The following FAM13B variants were observed in gnomAD, a reference collection of about 807,000 sequenced individuals.
FAM13B encodes the protein protein FAM13B.
Under a neutral mutation model 117.3 loss-of-function variants are expected in FAM13B, and 60 were observed. The ratio of observed to expected loss-of-function variants is 0.51; its 90% CI spans 0.42 to 0.63. The LOEUF (loss-of-function observed/expected upper bound fraction) is 0.63. Among genes scored for constraint, FAM13B ranks in the 30% least tolerant of loss-of-function variants. The pLI is 0.00. For missense variants in FAM13B, 972 were observed against 1,091.9 expected, an observed-to-expected ratio of 0.89 and a Z score of 1.55; for synonymous variants, 332 against 356.1, an observed-to-expected ratio of 0.93 and a Z score of 0.76.
intron 23 of FAM13B, among the ~76,000 whole-genome samples, chr5:137,941,216 AT>A (rs1053711249): frequency 6.6e-6 from 1 of 151,442 alleles, no homozygotes; most frequent in Non-Finnish European, 1.5e-5. Context: ...CCCACTTCAG[AT>A]TTTTTTTTAA....
At chr5:138,019,682 A>T (rs1048900536) in intron 2 of FAM13B, among the ~76,000 whole-genome samples, 2 of 142,252 alleles carry the variant, frequency 1.4e-5, no homozygotes, top group African/African-American at 5.1e-5. Flanking sequence ...GCTGTAATAA[A>T]TTTTTTTTTT....
intron 1 of FAM13B, among the ~76,000 whole-genome samples, chr5:138,041,523 G>A (rs936631215): frequency 6.6e-6 from 1 of 152,110 alleles, no homozygotes; most frequent in Non-Finnish European, 1.5e-5. Context: ...AAAATAGGAA[G>A]ATCTTAATTT....
At chr5:137,981,362 C>T (rs1775698219) in intron 10 of FAM13B, among the ~76,000 whole-genome samples, 1 of 152,002 alleles carries the variant, frequency 6.6e-6, no homozygotes, top group Non-Finnish European at 1.5e-5. Flanking sequence ...GTAGGAAAAT[C>T]GCTTGAGGCC....
At chr5:138,016,841 A>T (rs1185304985) in intron 4 of FAM13B, among the ~76,000 whole-genome samples, 3 of 152,208 alleles carry the variant, frequency 2.0e-5, no homozygotes, top group Non-Finnish European at 2.9e-5. Flanking sequence ...CAGCTAACAG[A>T]GGGAACATGG....
At chr5:137,968,523 A>G (rs1175915152) in intron 10 of FAM13B, among the ~76,000 whole-genome samples, 4 of 151,800 alleles carry the variant, frequency 2.6e-5, no homozygotes, top group Non-Finnish European at 4.4e-5. Flanking sequence ...TGTAGCACCT[A>G]GTACTACAGT....
intron 9 of FAM13B, 92 bp downstream of exon 9, chr5:137,987,369 G>T: frequency 8.5e-7 from 1 of 1,182,818 alleles, no homozygotes; most frequent in South Asian, 1.7e-5. Flanking sequence ...AAATCTCCAA[G>T]AAAGATGAGA....
chr5:138,000,741 G>A (rs1162287018), intron 7 of FAM13B, among the ~76,000 whole-genome samples: 1 of 151,958 alleles, frequency 6.6e-6, no homozygotes, highest in Non-Finnish European at 1.5e-5. Flanking sequence ...GACCAGCCTG[G>A]CCAACATGGT....
upstream of FAM13B, chr5:138,033,159 TC>T: frequency 1.8e-6 from 1 of 547,380 alleles, no homozygotes; most frequent in African/African-American, 2.1e-5. Context: ...GCGGCGAGGG[TC>T]CCCACCCCCA....
upstream of FAM13B, among the ~76,000 whole-genome samples, chr5:138,035,039 GTCT>G (rs1434744403): frequency 1.8e-5 from 1 of 54,822 alleles, no homozygotes; most frequent in African/African-American, 5.7e-5. Context: ...GTGAGACAAG[GTCT>G]TGCTCTGTCA....
chr5:138,017,977 T>C (rs1373675135), intron 4 of FAM13B, among the ~76,000 whole-genome samples: 1 of 152,232 alleles, frequency 6.6e-6, no homozygotes, highest in Admixed American at 6.5e-5. Context: ...TTGGACATTG[T>C]GCCACCACAC....
chr5:138,013,034 T>C (rs1701459296), intron 4 of FAM13B, among the ~76,000 whole-genome samples: 1 of 151,046 alleles, frequency 6.6e-6, no homozygotes, highest in Admixed American at 6.6e-5. Flanking sequence ...CGAAACCCCG[T>C]TCTACCAAAA....
chr5:137,976,241 C>T (rs565007817), intron 10 of FAM13B, among the ~76,000 whole-genome samples: 46 of 152,244 alleles, frequency 3.0e-4, no homozygotes, highest in Middle Eastern at 3.4e-3. Flanking sequence ...AGGCGTGAAC[C>T]ACCATGCCTG....
intron 10 of FAM13B, among the ~76,000 whole-genome samples, chr5:137,974,615 T>C (rs1346748859): frequency 1.3e-5 from 1 of 74,722 alleles, no homozygotes. Context: ...ATAATAATAA[T>C]AAATAAAAAA....
rs1406628776 is a variant in FAM13B at position 137,997,639 on chromosome 5, A to C, written c.849-9324T>G. 4.6e-5 allele frequency among the ~76,000 whole-genome samples: 7 copies of C among 152,204 alleles called. No homozygotes were observed. The East Asian group carries it at 1.4e-3, about 29-fold the overall frequency. ...ATGCACCCTAGGCTGCTCACACCCC[A>C]AACTCCACCATTTTTTCCACTCTGA... On this transcript the variant is annotated intron_variant, in intron 7 of 23. Coordinates refer to ENST00000689681, the MANE Select transcript of FAM13B (RefSeq NM_001385994.1).
chr5:137,968,498 T>C (rs184089399), intron 10 of FAM13B, among the ~76,000 whole-genome samples: 1 of 150,990 alleles, frequency 6.6e-6, no homozygotes, highest in South Asian at 2.1e-4. Flanking sequence ...CAATACATTA[T>C]AGGACTGTGG....
intron 10 of FAM13B, among the ~76,000 whole-genome samples, chr5:137,971,777 G>C (rs893031658): frequency 4.0e-5 from 6 of 149,034 alleles, no homozygotes; most frequent in Admixed American, 4.0e-4. Context: ...TGATAAAGGG[G>C]ATATCACCAC....
intron 14 of FAM13B, among the ~76,000 whole-genome samples, chr5:137,955,874 C>T (rs1052209317): frequency 6.6e-6 from 1 of 152,086 alleles, no homozygotes. Context: ...TCAAGTGATC[C>T]GCCTGCCTCG....
chr5:138,050,908 A>G (rs977888403), intron 1 of FAM13B, among the ~76,000 whole-genome samples: 4 of 152,242 alleles, frequency 2.6e-5, no homozygotes, highest in African/African-American at 9.6e-5. Context: ...TTTTACAAAT[A>G]CAAAAATAAT....
chr5:137,961,628 T>C (rs576904055), intron 11 of FAM13B, among the ~76,000 whole-genome samples: 1 of 152,264 alleles, frequency 6.6e-6, no homozygotes, highest in South Asian at 2.1e-4. Flanking sequence ...AAAGAAACAA[T>C]AGAATACAAA....
Sources: gnomAD v4.1 joint callset for allele counts (sites outside exome capture counted in the v4.1 genomes callset) on GRCh38, gnomAD v4.1.1 for gene constraint, MANE v1.5 for transcripts, NCBI Gene and HGNC (gene_info 2026-07-23, HGNC 2026-07-21) for gene names.